The following PTPRD variants were observed in gnomAD, a reference collection of about 807,000 sequenced individuals.
The protein encoded by PTPRD is receptor-type tyrosine-protein phosphatase delta.
A neutral mutation model predicts 214.5 loss-of-function variants in PTPRD; 34 were observed. The ratio of observed to expected loss-of-function variants is 0.16; its 90% CI spans 0.12 to 0.21. The LOEUF (loss-of-function observed/expected upper bound fraction) is 0.21, where lower values mean the gene tolerates loss of function less well. Ranked by LOEUF, PTPRD falls within the 10% of genes least tolerant of loss-of-function variation. The pLI is 1.00. For missense variants in PTPRD, 2,545 were observed against 2,398.7 expected, an observed-to-expected ratio of 1.06 and a Z score of -1.27; for synonymous variants, 1,128 against 845.7, an observed-to-expected ratio of 1.33 and a Z score of -5.79.
intron 3 of PTPRD, among the ~76,000 whole-genome samples, chr9:10,158,479 G>C (rs1489871898): frequency 6.6e-6 from 1 of 152,086 alleles, no homozygotes; most frequent in East Asian, 1.9e-4. Context: ...AATTCTGTTA[G>C]GAATTTCTGT....
rs184749790 is a variant in PTPRD, at chr9:10,531,191, C to A, written c.-600+81207G>T. Among the ~76,000 whole-genome samples the A allele has an allele frequency of 2.2e-3, 340 of 151,800 alleles. 2 individuals carry two copies. Among genetic ancestry groups the A allele is most frequent in the African/African-American group, 7.9e-3 (327 of 41,472 alleles). ...TCTTAAACTCCTGACCTCAAGTGAT[C>A]CGCCCTCCTCAGTCTCCCAAATGGC... On this transcript the variant is annotated intron_variant, in intron 2 of 45. Coordinates refer to ENST00000381196, the MANE Select transcript of PTPRD (RefSeq NM_002839.4).
chr9:10,455,779 TTCA>T (rs1428906473), intron 2 of PTPRD, among the ~76,000 whole-genome samples: 1 of 151,798 alleles, frequency 6.6e-6, no homozygotes, highest in African/African-American at 2.4e-5. Context: ...TAGATCTTTC[TTCA>T]TCATTTATTT....
chr9:8,540,863 T>C (rs1472933657), intron 14 of PTPRD, among the ~76,000 whole-genome samples: 1 of 152,144 alleles, frequency 6.6e-6, no homozygotes, highest in African/African-American at 2.4e-5. Context: ...AAAAAGAGCA[T>C]TTCACTATTT....
chr9:9,093,569 A>G (rs1459578531), intron 10 of PTPRD, among the ~76,000 whole-genome samples: 1 of 152,010 alleles, frequency 6.6e-6, no homozygotes, highest in African/African-American at 2.4e-5. Context: ...AATAACACAG[A>G]ACTTTCTAAG....
chr9:9,278,503 C>T (rs1180958612), intron 9 of PTPRD, among the ~76,000 whole-genome samples: 1 of 151,148 alleles, frequency 6.6e-6, no homozygotes, highest in East Asian at 2.0e-4. Context: ...CAATAGGATA[C>T]TGTACTAAAT....
intron 12 of PTPRD, among the ~76,000 whole-genome samples, chr9:8,655,752 T>C (rs536582086): frequency 6.6e-6 from 1 of 151,054 alleles, no homozygotes; most frequent in South Asian, 2.1e-4. Flanking sequence ...TTTTTTTTTT[T>C]CTTTTTTTAA....
intron 3 of PTPRD, among the ~76,000 whole-genome samples, chr9:10,255,977 C>T (rs150071542): frequency 5.9e-4 from 90 of 152,224 alleles, no homozygotes; most frequent in African/African-American, 2.1e-3. Context: ...AGCAGGTGAG[C>T]GAGCACTACT....
At chr9:8,847,016 C>T (rs2097710097) in intron 11 of PTPRD, among the ~76,000 whole-genome samples, 1 of 151,990 alleles carries the variant, frequency 6.6e-6, no homozygotes, top group Non-Finnish European at 1.5e-5. Flanking sequence ...GGGGGCCTTT[C>T]AACAGATGAT....
chr9:9,991,189 C>A (rs915559272), intron 4 of PTPRD, among the ~76,000 whole-genome samples: 1 of 151,986 alleles, frequency 6.6e-6, no homozygotes, highest in Non-Finnish European at 1.5e-5. Context: ...CTGCTTCGGC[C>A]TCCCAAAGTG....
intron 7 of PTPRD, among the ~76,000 whole-genome samples, chr9:9,665,392 G>C (rs2096702611): frequency 6.6e-6 from 1 of 151,746 alleles, no homozygotes; most frequent in Non-Finnish European, 1.5e-5. Flanking sequence ...GGACAAAATA[G>C]ATGTTTTTTA....
intron 5 of PTPRD, among the ~76,000 whole-genome samples, chr9:9,820,658 C>T (rs1396765075): frequency 6.6e-6 from 1 of 151,906 alleles, no homozygotes; most frequent in Admixed American, 6.6e-5. Context: ...GTTAATTTTA[C>T]ATATGGCAAA....
At chr9:9,456,915 GAAAAAACAAAGTA>G (rs755867033) in intron 8 of PTPRD, among the ~76,000 whole-genome samples, 119 of 151,882 alleles carry the variant, frequency 7.8e-4, no homozygotes, top group Non-Finnish European at 1.4e-3. Flanking sequence ...AAGAGGATAG[GAAAAAACAAAGTA>G]AAGAGTAGTG....
chr9:9,877,913 C>A (rs899457002), intron 5 of PTPRD, among the ~76,000 whole-genome samples: 1 of 132,388 alleles, frequency 7.6e-6, no homozygotes, highest in Non-Finnish European at 1.5e-5. Flanking sequence ...GTGGAGGTTG[C>A]GGTGAGCTGA....
chr9:9,169,167 T>C (rs2099909746), intron 10 of PTPRD, among the ~76,000 whole-genome samples: 1 of 152,076 alleles, frequency 6.6e-6, no homozygotes, highest in African/African-American at 2.4e-5. Context: ...GAGCCTCTTT[T>C]TGGCTTTAAC....
intron 11 of PTPRD, among the ~76,000 whole-genome samples, chr9:8,974,437 G>A (rs2099256643): frequency 6.6e-6 from 1 of 151,860 alleles, no homozygotes; most frequent in Non-Finnish European, 1.5e-5. Flanking sequence ...TGGGATACAT[G>A]TGCAGAACAT....
chr9:8,543,695 G>T (rs2079073458), intron 14 of PTPRD, among the ~76,000 whole-genome samples: 1 of 152,092 alleles, frequency 6.6e-6, no homozygotes, highest in Admixed American at 6.6e-5. Context: ...TTTCCCCAGT[G>T]GGAAAAAGAC....
In PTPRD at chr9:9,712,023, G is replaced by T. The variant is rs568161389; in HGVS notation, c.-287+22510C>A. On this transcript the variant is annotated intron_variant, in intron 7 of 45. Transcript: ENST00000381196. ...TCCTTTAGCATTCAATTCAGCATTA[G>T]CATTGTGAGATCTCGCACCGACTTA... 3.3e-5 allele frequency among the ~76,000 whole-genome samples: 5 copies of T among 152,234 alleles called. No homozygotes were observed. In the East Asian group the frequency reaches 9.6e-4, roughly 29 times the overall value.
At chr9:9,684,269 T>C (rs187103006) in intron 7 of PTPRD, among the ~76,000 whole-genome samples, 117 of 151,864 alleles carry the variant, frequency 7.7e-4, no homozygotes, top group African/African-American at 2.7e-3. Context: ...TCTAACCTTA[T>C]TCAACATACC....
At chr9:9,694,189 A>T (rs972845653) in intron 7 of PTPRD, among the ~76,000 whole-genome samples, 2 of 152,044 alleles carry the variant, frequency 1.3e-5, no homozygotes, top group African/African-American at 4.8e-5. Flanking sequence ...TTGAAGAGTT[A>T]GGTATTTATT....
Sources: gnomAD v4.1 joint callset for allele counts (sites outside exome capture counted in the v4.1 genomes callset) on GRCh38, gnomAD v4.1.1 for gene constraint, MANE v1.5 for transcripts, NCBI Gene and HGNC (gene_info 2026-07-23, HGNC 2026-07-21) for gene names.